MPDZ: variants seen among roughly 807,000 people sequenced by gnomAD.
The protein encoded by MPDZ is multiple PDZ domain crumbs cell polarity complex component.
A neutral mutation model predicts 239.1 loss-of-function variants in MPDZ; 234 were observed. That is an observed-to-expected ratio of 0.98 (90% CI 0.88 to 1.09). The LOEUF is 1.09. Ranked by LOEUF, MPDZ falls within the 50% of genes least tolerant of loss-of-function variation. MPDZ has a pLI of 0.00. For missense variants in MPDZ, 3,175 were observed against 2,510.0 expected, an observed-to-expected ratio of 1.26 and a Z score of -5.66; for synonymous variants, 1,048 against 881.3, an observed-to-expected ratio of 1.19 and a Z score of -3.35.
At chr9:13,261,925 G>T (rs1442968037) in intron 1 of MPDZ, among the ~76,000 whole-genome samples, 1 of 151,372 alleles carries the variant, frequency 6.6e-6, no homozygotes, top group African/African-American at 2.4e-5. Flanking sequence ...CATGCATGTA[G>T]TCCCAGCTAC....
At position 13,219,752 on chromosome 9, in the gene MPDZ, C is replaced by A; in HGVS notation, c.893G>T (p.Ser298Ile). 1 of 1,612,470 alleles carries A rather than the reference C, an allele frequency of 6.2e-7. No homozygotes were observed. Among genetic ancestry groups the A allele is most frequent in the Non-Finnish European group, 8.5e-7 (1 of 1,179,048 alleles). ...GVADQHGRLCSGDHILKIGDT... is the reference protein window; with the variant it reads ...GVADQHGRLCIGDHILKIGDT... Reference sequence around the variant, plus strand: ...ACCAATCTTTAGAATGTGGTCTCCACTGCATAAACGCCCATGCTGAGTAAA... The same window carrying A: ...ACCAATCTTTAGAATGTGGTCTCCAATGCATAAACGCCCATGCTGAGTAAA... The change falls in exon 8 of 47, where the codon AGT (serine) becomes ATT (isoleucine). Residue 298 changes from serine (S) to isoleucine (I), a missense_variant. Coordinates refer to ENST00000319217, the MANE Select transcript of MPDZ (RefSeq NM_001378778.1).
chr9:13,275,348 G>T (rs778401841), intron 1 of MPDZ, among the ~76,000 whole-genome samples: 1 of 152,148 alleles, frequency 6.6e-6, no homozygotes, highest in Non-Finnish European at 1.5e-5. Context: ...CAGAGGGAGG[G>T]CATGTGAAGA....
intron 1 of MPDZ, among the ~76,000 whole-genome samples, chr9:13,266,038 C>T (rs1371804859): frequency 2.0e-5 from 3 of 152,172 alleles, no homozygotes; most frequent in Admixed American, 1.3e-4. Flanking sequence ...TGGCTTCTCC[C>T]GTCCTGGAAT....
intron 12 of MPDZ, among the ~76,000 whole-genome samples, chr9:13,202,606 A>T (rs1338936784): frequency 6.6e-6 from 1 of 152,158 alleles, no homozygotes; most frequent in African/African-American, 2.4e-5. Flanking sequence ...GCCCTCCTGG[A>T]ACTCCCAGTG....
At position 13,110,037 on chromosome 9, in the gene MPDZ, CCA is replaced by C. The variant is rs1942173184; in HGVS notation, c.5855_5856del (p.Val1952GlyfsTer27). 1 of 1,613,088 alleles carries C rather than the reference CCA, an allele frequency of 6.2e-7. No homozygotes were observed. Among genetic ancestry groups the C allele is most frequent in the Non-Finnish European group, 8.5e-7 (1 of 1,179,656 alleles). Reference protein sequence around the residue: ...MQVVAGGDVSVVTGHQQEPAS... With the variant: ...MQVVAGGDVSXVTGHQQEPAS... ...GCAGGCTCCTGCTGATGACCTGTGA[CCA>C]CACTCACGTCTCCTCCAGCAACCAC... On this transcript the variant is annotated frameshift_variant, in exon 45 of 47. Transcript: ENST00000319217. LOFTEE classifies it high-confidence loss of function.
intron 10 of MPDZ, 97 bp downstream of exon 10, chr9:13,216,677 T>C: frequency 2.4e-6 from 2 of 834,642 alleles, no homozygotes; most frequent in Non-Finnish European, 3.7e-6. Flanking sequence ...CTTAAATTAG[T>C]ACAGAGTTAA....
chr9:13,168,391 G>A lies in MPDZ; in HGVS notation c.3229C>T (p.His1077Tyr). ...TTTATGTCAGGGCCAATGAGAGAAT[G>A]TCTTCTCAACATAGCTCGTGCCTGG... is the stretch of plus-strand genomic sequence containing the variant. ...NAQARAMLRR[H>Y]SLIGPDIKIT... Residue 1077 changes from histidine (H) to tyrosine (Y), a missense_variant, in exon 22 of 47, where the codon CAT becomes TAT. Coordinates refer to ENST00000319217, the MANE Select transcript of MPDZ (RefSeq NM_001378778.1). The A allele has an allele frequency of 6.2e-6, 10 of 1,612,982 alleles. No homozygotes were observed. The highest frequency in any genetic ancestry group is 7.6e-6 in the Non-Finnish European group (9 of 1,179,304).
Position 13,222,217 on chromosome 9 carries a change from A to C in MPDZ, c.747+16T>G. The C allele has an allele frequency of 6.3e-7, 1 of 1,593,508 alleles. No individual in the cohort carries two copies. The highest frequency in any genetic ancestry group is 8.5e-7 in the Non-Finnish European group (1 of 1,169,892). ...AAAAATACGTTCTGTTCCTTTTGAA[A>C]ATTTTAGGTACTCACCGGATTAGAG... On this transcript the variant is annotated intron_variant, in intron 6 of 46. Transcript: ENST00000319217.
At chr9:13,175,606 T>C (rs571654629) in intron 21 of MPDZ, 146 bp downstream of exon 21, 13 of 794,216 alleles carry the variant, frequency 1.6e-5, no homozygotes, top group Non-Finnish European at 2.6e-5. Context: ...AAAAAAATAA[T>C]GAGGACATAG....
At chr9:13,154,409 C>G (rs1203156092) in intron 24 of MPDZ, among the ~76,000 whole-genome samples, 1 of 152,132 alleles carries the variant, frequency 6.6e-6, no homozygotes, top group Admixed American at 6.6e-5. Context: ...AGGTAAAACA[C>G]AGCTCTGAGG....
At chr9:13,125,536 G>A in intron 34 of MPDZ, 146 bp from the exon 35 acceptor site, 1 of 711,944 alleles carries the variant, frequency 1.4e-6, no homozygotes, top group Non-Finnish European at 2.2e-6. Context: ...CAGGACTTGG[G>A]TAAAGAAAGA....
At chr9:13,234,467 A>G (rs1963404863) in intron 3 of MPDZ, among the ~76,000 whole-genome samples, 1 of 152,126 alleles carries the variant, frequency 6.6e-6, no homozygotes, top group Non-Finnish European at 1.5e-5. Flanking sequence ...ACTTTATTTC[A>G]TAAAGCATTT....
Position 13,121,802 on chromosome 9 carries a change from G to A in MPDZ, c.5168C>T (p.Thr1723Ile), listed in dbSNP as rs759372346. 25 of 1,613,784 alleles carry A rather than the reference G, an allele frequency of 1.5e-5. No individual in the cohort carries two copies. The highest frequency in any genetic ancestry group is 1.1e-4 in the East Asian group (5 of 44,886). Residue 1723 changes from threonine (T) to isoleucine (I), a missense_variant, in exon 38 of 47, where the codon ACC becomes ATC. Thr to Ile is a moderately conservative substitution (Grantham distance 89). Coordinates refer to ENST00000319217, the MANE Select transcript of MPDZ (RefSeq NM_001378778.1). ...APYKEEEVCDTLTIELQKKPG... is the reference protein window; with the variant it reads ...APYKEEEVCDILTIELQKKPG... ...CTTCTTCTGCAGCTCAATAGTGAGG[G>A]TGTCACACACTTCCTCCTCTTTGTA...
At chr9:13,132,133 C>G (rs1429679141) in intron 32 of MPDZ, among the ~76,000 whole-genome samples, 1 of 152,150 alleles carries the variant, frequency 6.6e-6, no homozygotes, top group African/African-American at 2.4e-5. Context: ...TCCTCAATAG[C>G]ATCTAATTTA....
intron 7 of MPDZ, 104 bp downstream of exon 7, chr9:13,221,268 G>C (rs1183731212): frequency 4.9e-6 from 6 of 1,225,152 alleles, no homozygotes; most frequent in Non-Finnish European, 6.6e-6. Flanking sequence ...CAATTTCTTT[G>C]GCATCATTTA....
chr9:13,123,884 G>T (rs868467144), intron 35 of MPDZ, among the ~76,000 whole-genome samples: 1 of 151,902 alleles, frequency 6.6e-6, no homozygotes, highest in Non-Finnish European at 1.5e-5. Context: ...TTTCTCCTTG[G>T]GTCTCACTTG....
rs113547663 is a variant in MPDZ at position 13,155,928 on chromosome 9, T to G, written c.3452+2090A>C. Reference sequence around the variant, plus strand: ...GGAATCTTTGGAGGTATTCTTCACGTAAGGTTGTTAGCACCTTTAGAGCTA... The same window carrying G: ...GGAATCTTTGGAGGTATTCTTCACGGAAGGTTGTTAGCACCTTTAGAGCTA... On this transcript the variant is annotated intron_variant, in intron 24 of 46. Coordinates refer to ENST00000319217, the MANE Select transcript of MPDZ (RefSeq NM_001378778.1). Among the ~76,000 whole-genome samples, 1,203 of 152,304 alleles carry G rather than the reference T, an allele frequency of 7.9e-3. 15 individuals are homozygous for G. Among genetic ancestry groups the G allele is most frequent in the African/African-American group, 0.028 (1,166 of 41,588 alleles).
chr9:13,181,067 G>A (rs1051399310), intron 19 of MPDZ, among the ~76,000 whole-genome samples: 3 of 152,058 alleles, frequency 2.0e-5, no homozygotes, highest in African/African-American at 7.2e-5. Context: ...ATTCATCAAG[G>A]GGAAGAGACA....
In MPDZ at chr9:13,190,180, A is replaced by G; in HGVS notation, c.2088T>C (p.Ala696=). The change falls in exon 16 of 47, where the codon GCT becomes GCC. Residue 696 remains alanine (A), a synonymous_variant. Transcript: ENST00000319217. Reference sequence around the variant, plus strand: ...TCTCCAGCTCTATGTGCTGAATGCCAGCCTCCCACATGGCCAAAGGTGCTT... The same window carrying G: ...TCTCCAGCTCTATGTGCTGAATGCCGGCCTCCCACATGGCCAAAGGTGCTT... The part of the protein sequence containing the change: ...EVQAPLAMWE[A]GIQHIELEKG... 1.2e-6 allele frequency: 2 copies of G among 1,613,324 alleles called. No homozygotes were observed. Among genetic ancestry groups the G allele is most frequent in the Non-Finnish European group, 1.7e-6 (2 of 1,179,562 alleles).
Sources: gnomAD v4.1 joint callset for allele counts (sites outside exome capture counted in the v4.1 genomes callset) on GRCh38, gnomAD v4.1.1 for gene constraint, MANE v1.5 for transcripts, NCBI Gene and HGNC (gene_info 2026-07-23, HGNC 2026-07-21) for gene names.